Variants in FRMPD2 observed in about 807,000 individuals in gnomAD.
FRMPD2 encodes the protein FERM and PDZ domain-containing protein 2.
A neutral mutation model predicts 140.1 loss-of-function variants in FRMPD2; 96 were observed. The observed-to-expected ratio is 0.69, with a 90% CI of 0.58 to 0.81. The LOEUF is 0.81. Ranked by LOEUF, FRMPD2 falls within the 40% of genes least tolerant of loss-of-function variation. FRMPD2 has a pLI of 0.00. For synonymous variants in FRMPD2, 449 were observed against 547.6 expected (o/e 0.82, Z 2.52); for missense variants, 1,240 against 1,447.4 (o/e 0.86, Z 2.32).
intron 10 of FRMPD2, among the ~76,000 whole-genome samples, chr10:48,223,814 G>T (rs1839664138): frequency 6.6e-6 from 1 of 152,282 alleles, no homozygotes; most frequent in Non-Finnish European, 1.5e-5. Context: ...CCCATGATGG[G>T]ATCAGCATCC....
intron 1 of FRMPD2, among the ~76,000 whole-genome samples, chr10:48,265,137 G>C (rs890767804): frequency 6.6e-6 from 1 of 152,162 alleles, no homozygotes; most frequent in African/African-American, 2.4e-5. Context: ...TCAGTAAATG[G>C]TGCTGGGATA....
chr10:48,208,079 T>C (rs1172063943), intron 13 of FRMPD2, among the ~76,000 whole-genome samples: 1 of 151,034 alleles, frequency 6.6e-6, no homozygotes, highest in African/African-American at 2.5e-5. Context: ...TCATCATCAA[T>C]ATCCTTATCA....
chr10:48,244,949 T>C (rs1840210643), intron 3 of FRMPD2, 100 bp from the exon 4 acceptor site: 2 of 911,786 alleles, frequency 2.2e-6, no homozygotes, highest in Non-Finnish European at 3.6e-6. Flanking sequence ...ACAGACACTG[T>C]TGTCTGGCGA....
intron 1 of FRMPD2, among the ~76,000 whole-genome samples, chr10:48,272,880 TCTTA>T (rs1386914933): frequency 5.9e-5 from 9 of 152,224 alleles, no homozygotes; most frequent in South Asian, 2.1e-4. Flanking sequence ...TTCACTTTCT[TCTTA>T]CTTGTCAATG....
intron 16 of FRMPD2, among the ~76,000 whole-genome samples, chr10:48,190,306 C>A (rs1254138565): frequency 1.3e-5 from 2 of 152,152 alleles, no homozygotes; most frequent in Non-Finnish European, 2.9e-5. Context: ...TCTCCTCCAC[C>A]CCCACTATTC....
intron 1 of FRMPD2, among the ~76,000 whole-genome samples, chr10:48,255,084 AT>A (rs1458757871): frequency 1.3e-5 from 2 of 151,846 alleles, no homozygotes; most frequent in African/African-American, 2.4e-5. Flanking sequence ...GTCAATGGGC[AT>A]TTTGGGGGGG....
rs1289323947 is a variant in FRMPD2, at chr10:48,164,418, A to G, written c.3538-747T>C. ...ATCTTTAACATGTGTTCATTTTTAT[A>G]TCTGTAGGAATCATGATTTTACCTT... On this transcript the variant is annotated intron_variant, in intron 27 of 28. Coordinates refer to ENST00000374201, the MANE Select transcript of FRMPD2 (RefSeq NM_001018071.4). Among the ~76,000 whole-genome samples, 2 of 150,790 alleles carry G rather than the reference A, an allele frequency of 1.3e-5. 1 individual carries two copies. Among genetic ancestry groups the G allele is most frequent in the African/African-American group, 4.9e-5 (2 of 40,474 alleles).
At chr10:48,201,746 A>G (rs554674983) in intron 14 of FRMPD2, 1 of 157,502 alleles carries the variant, frequency 6.3e-6, no homozygotes, top group East Asian at 1.8e-4. Flanking sequence ...TTATTGTACA[A>G]ACTCCAAGAA....
intron 2 of FRMPD2, 110 bp downstream of exon 2, chr10:48,251,456 T>C: frequency 1.5e-6 from 2 of 1,350,860 alleles, no homozygotes; most frequent in Non-Finnish European, 2.1e-6. Flanking sequence ...AACCTTGTTC[T>C]GTGCTCTCAG....
chr10:48,203,050 C>G (rs1839125517), intron 14 of FRMPD2, among the ~76,000 whole-genome samples: 1 of 152,148 alleles, frequency 6.6e-6, no homozygotes, highest in Non-Finnish European at 1.5e-5. Flanking sequence ...TCCTCCTCAG[C>G]CTCTGAAAGT....
At position 48,200,189 on chromosome 10, in the gene FRMPD2, T is replaced by TAAA. The variant is rs1282575889; in HGVS notation, c.1954+1036_1954+1038dup. Among the ~76,000 whole-genome samples the TAAA allele has an allele frequency of 1.5e-4, 21 of 137,704 alleles. 1 individual carries two copies. The highest frequency in any genetic ancestry group is 3.6e-3 in the Middle Eastern group (1 of 274). The allele number at this position is 137,704 out of a possible 152,430, so 90.3% of individuals were successfully genotyped here. ...ATAAATAAATAAATAAATAAATAAA[T>TAAA]AAATAAATAAAACAGAGCCAAGCAA... On this transcript the variant is annotated intron_variant, in intron 15 of 28. Coordinates refer to ENST00000374201, the MANE Select transcript of FRMPD2 (RefSeq NM_001018071.4).
rs1839080114 is a variant in FRMPD2, at chr10:48,201,293, A to C, written c.1889T>G (p.Leu630Arg). 1 of 1,613,932 alleles carries C rather than the reference A, an allele frequency of 6.2e-7. No homozygotes were observed. The highest frequency in any genetic ancestry group is 8.5e-7 in the Non-Finnish European group (1 of 1,179,820). Residue 630 changes from leucine to arginine, a missense_variant, in exon 15 of 29, where the codon CTC (leucine) becomes CGC (arginine). Coordinates refer to ENST00000374201, the MANE Select transcript of FRMPD2 (RefSeq NM_001018071.4). Reference protein sequence around the residue: ...SAKTSKYLLDLCSAQHGFNAQ... With the variant: ...SAKTSKYLLDRCSAQHGFNAQ... ...ATTAAACCCATGCTGGGCTGAGCAGAGGTCCAGTAAGTATTTACTGGTCTT... is the reference window on the plus strand; with the variant it reads ...ATTAAACCCATGCTGGGCTGAGCAGCGGTCCAGTAAGTATTTACTGGTCTT...
At chr10:48,244,066 T>G (rs1018614386) in intron 4 of FRMPD2, among the ~76,000 whole-genome samples, 4 of 152,180 alleles carry the variant, frequency 2.6e-5, no homozygotes, top group African/African-American at 9.6e-5. Context: ...AACCTTCCCC[T>G]CCCGGCCCCC....
chr10:48,251,693 T>C lies in FRMPD2; in HGVS notation c.26-2A>G, dbSNP rs1478521172. The C allele has an allele frequency of 6.2e-7, 1 of 1,614,092 alleles. No individual in the cohort carries two copies. The highest frequency in any genetic ancestry group is 8.5e-7 in the Non-Finnish European group (1 of 1,179,960). ...GCGTCACAGAGGACAGGCTCATGCC[T>C]ACAATAAAGACATGCATGTGACAGG... is the stretch of plus-strand genomic sequence containing the variant. On this transcript the variant is annotated splice_acceptor_variant, in intron 1 of 28. Coordinates refer to ENST00000374201, the MANE Select transcript of FRMPD2 (RefSeq NM_001018071.4). LOFTEE classifies it high-confidence loss of function.
chr10:48,260,215 A>G (rs1034093230), intron 1 of FRMPD2, among the ~76,000 whole-genome samples: 4 of 152,130 alleles, frequency 2.6e-5, no homozygotes, highest in African/African-American at 4.8e-5. Flanking sequence ...ATATACATAT[A>G]TGTATAGATA....
intron 14 of FRMPD2, among the ~76,000 whole-genome samples, chr10:48,202,997 G>A (rs1337217153): frequency 6.6e-6 from 1 of 151,990 alleles, no homozygotes; most frequent in Non-Finnish European, 1.5e-5. Flanking sequence ...CAGGGGTATC[G>A]CTCTGTTGCC....
At chr10:48,261,916 G>A (rs1375062352) in intron 1 of FRMPD2, among the ~76,000 whole-genome samples, 1 of 152,118 alleles carries the variant, frequency 6.6e-6, no homozygotes, top group Non-Finnish European at 1.5e-5. Flanking sequence ...TGTTGTAAAT[G>A]TATACTGCAA....
intron 12 of FRMPD2, among the ~76,000 whole-genome samples, chr10:48,213,413 G>A (rs1025930335): frequency 6.6e-6 from 1 of 152,230 alleles, no homozygotes; most frequent in Non-Finnish European, 1.5e-5. Flanking sequence ...TTAGAATACA[G>A]TTTGGTTGTT....
chr10:48,194,202 C>CTATGT (rs1302500252), intron 15 of FRMPD2, among the ~76,000 whole-genome samples: 1 of 152,152 alleles, frequency 6.6e-6, no homozygotes, highest in African/African-American at 2.4e-5. Context: ...CACAATAACC[C>CTATGT]TATGGGGTAG....
Sources: gnomAD v4.1 joint callset for allele counts (sites outside exome capture counted in the v4.1 genomes callset) on GRCh38, gnomAD v4.1.1 for gene constraint, MANE v1.5 for transcripts, NCBI Gene and HGNC (gene_info 2026-07-23, HGNC 2026-07-21) for gene names.